The following SLC14A2 variants were observed in gnomAD, a reference collection of about 807,000 sequenced individuals.
SLC14A2 encodes the protein urea transporter 2.
SLC14A2 carries 91 observed loss-of-function variants against 104.6 expected under a neutral mutation model. The ratio of observed to expected loss-of-function variants is 0.87; its 90% CI spans 0.73 to 1.04. SLC14A2 has a LOEUF of 1.04. Ranked by LOEUF, SLC14A2 falls within the 50% of genes least tolerant of loss-of-function variation. The probability of loss-of-function intolerance (pLI) is 0.00; values close to 1 mark genes in which losing one functional copy is unlikely to be tolerated. For synonymous variants in SLC14A2, 476 were observed against 466.4 expected (o/e 1.02, Z -0.27); for missense variants, 1,189 against 1,156.0 (o/e 1.03, Z -0.41).
At chr18:45,355,474 A>C (rs1354520548) in intron 1 of SLC14A2, among the ~76,000 whole-genome samples, 1 of 145,708 alleles carries the variant, frequency 6.9e-6, no homozygotes, top group Non-Finnish European at 1.5e-5. Context: ...GCTACTCAGG[A>C]GGCTGAGGCA....
At chr18:45,473,673 T>C (rs2087296452) in intron 1 of SLC14A2, among the ~76,000 whole-genome samples, 1 of 152,204 alleles carries the variant, frequency 6.6e-6, no homozygotes, top group Admixed American at 6.5e-5. Context: ...GATTTGGCTC[T>C]TTGTTTGTCT....
Position 45,536,575 on chromosome 18 carries a change from A to G in SLC14A2, c.-35+53253A>G, listed in dbSNP as rs574820622. On this transcript the variant is annotated intron_variant, in intron 2 of 20. Coordinates refer to the SLC14A2 transcript ENST00000586448. The stretch of plus-strand genomic sequence containing the variant: ...CTCCAGAGGACACCATTCATGTCAG[A>G]TTAAGAGCCGCTCTTCTCCAGTATG... Among the ~76,000 whole-genome samples, 46 of 152,264 alleles carry G rather than the reference A, an allele frequency of 3.0e-4. 1 individual carries two copies. In the South Asian group the frequency reaches 9.3e-3, roughly 31 times the overall value.
intron 1 of SLC14A2, among the ~76,000 whole-genome samples, chr18:45,290,575 C>T (rs1022666411): frequency 6.6e-6 from 1 of 152,136 alleles, no homozygotes; most frequent in East Asian, 1.9e-4. Flanking sequence ...CAGTAGGTAC[C>T]AGCCCCATGT....
intron 2 of SLC14A2, among the ~76,000 whole-genome samples, chr18:45,608,864 C>T (rs1041329434): frequency 1.4e-4 from 22 of 152,182 alleles, no homozygotes; most frequent in African/African-American, 5.1e-4. Context: ...TGGAATAAAA[C>T]TGGAATTTGC....
intron 2 of SLC14A2, among the ~76,000 whole-genome samples, chr18:45,489,751 C>T (rs1031486781): frequency 6.6e-6 from 1 of 152,102 alleles, no homozygotes. Flanking sequence ...GGAAGTTTGA[C>T]AGAAAGGAGT....
At chr18:45,634,488 G>A (rs2045388737) in intron 5 of SLC14A2, among the ~76,000 whole-genome samples, 1 of 152,256 alleles carries the variant, frequency 6.6e-6, no homozygotes, top group African/African-American at 2.4e-5. Context: ...CAACTTTGCA[G>A]AGGGGACATT....
chr18:45,208,227 A>G (rs1157350715), upstream of SLC14A2, among the ~76,000 whole-genome samples: 1 of 152,214 alleles, frequency 6.6e-6, no homozygotes, highest in East Asian at 1.9e-4. Context: ...ATTGCAATAA[A>G]ATTGTTTAAA....
intron 3 of SLC14A2, 126 bp from the exon 4 acceptor site, chr18:45,626,832 G>A: frequency 2.8e-6 from 1 of 355,474 alleles, no homozygotes; most frequent in Non-Finnish European, 5.1e-6. Context: ...CCCGACCCCT[G>A]GCCTGGCTGA....
intron 2 of SLC14A2, among the ~76,000 whole-genome samples, chr18:45,602,801 G>T (rs1427540634): frequency 6.6e-6 from 1 of 152,194 alleles, no homozygotes; most frequent in Non-Finnish European, 1.5e-5. Context: ...ACTCCCCGCT[G>T]ATGGATTCAA....
In SLC14A2 at chr18:45,408,651, G is replaced by A. The variant is rs77221516; in HGVS notation, c.-124-74582G>A. On this transcript the variant is annotated intron_variant, in intron 1 of 20. Coordinates refer to the SLC14A2 transcript ENST00000586448. ...AATGAGGCCATTAATTAATACAGCG[G>A]GGAAGTCTGCAATTCTTATCTGTGG... is the stretch of plus-strand genomic sequence containing the variant. 5.6e-3 allele frequency among the ~76,000 whole-genome samples: 857 copies of A among 152,148 alleles called. 12 individuals carry two copies. The highest frequency in any genetic ancestry group is 0.019 in the African/African-American group (800 of 41,524).
At chr18:45,344,116 A>G (rs2085424095) in intron 1 of SLC14A2, among the ~76,000 whole-genome samples, 1 of 152,158 alleles carries the variant, frequency 6.6e-6, no homozygotes, top group Non-Finnish European at 1.5e-5. Flanking sequence ...AATCATTGTC[A>G]TTATATTATT....
chr18:45,464,402 A>T (rs960879688), intron 1 of SLC14A2, among the ~76,000 whole-genome samples: 1 of 152,224 alleles, frequency 6.6e-6, no homozygotes, highest in Non-Finnish European at 1.5e-5. Flanking sequence ...ACTGCACAGC[A>T]TCCTATAAAT....
chr18:45,392,471 T>C (rs571841652), intron 1 of SLC14A2, among the ~76,000 whole-genome samples: 89 of 152,342 alleles, frequency 5.8e-4, no homozygotes, highest in South Asian at 3.5e-3. Flanking sequence ...GCCTTCACCA[T>C]AGCTCTGTTT....
intron 2 of SLC14A2, among the ~76,000 whole-genome samples, chr18:45,582,838 C>A (rs2044514312): frequency 6.6e-6 from 1 of 152,144 alleles, no homozygotes; most frequent in Non-Finnish European, 1.5e-5. Context: ...TTACCCACCC[C>A]CCTTAGGAAC....
intron 2 of SLC14A2, among the ~76,000 whole-genome samples, chr18:45,575,157 A>G (rs1250633397): frequency 1.3e-5 from 2 of 151,974 alleles, no homozygotes; most frequent in Non-Finnish European, 2.9e-5. Context: ...AAGGCATGGT[A>G]AAAGGAAGGT....
chr18:45,298,906 T>G (rs1214714081), intron 1 of SLC14A2, among the ~76,000 whole-genome samples: 1 of 152,162 alleles, frequency 6.6e-6, no homozygotes, highest in Non-Finnish European at 1.5e-5. Flanking sequence ...CTCAAAATTT[T>G]TGTGTTTTTA....
At chr18:45,438,620 G>A (rs963289443) in intron 1 of SLC14A2, among the ~76,000 whole-genome samples, 4 of 152,208 alleles carry the variant, frequency 2.6e-5, no homozygotes, top group African/African-American at 9.6e-5. Flanking sequence ...TATCCCGCTA[G>A]AGGCTAAACA....
intron 1 of SLC14A2, among the ~76,000 whole-genome samples, chr18:45,241,787 G>A (rs918181707): frequency 4.6e-5 from 7 of 151,878 alleles, no homozygotes; most frequent in African/African-American, 1.5e-4. Context: ...GGGATTACAG[G>A]CATGTACCAC....
chr18:45,189,244 A>G, the SLC14A2 span, among the ~76,000 whole-genome samples: 1 of 152,218 alleles, frequency 6.6e-6, no homozygotes, highest in Non-Finnish European at 1.5e-5. Context: ...GTTCAAATCC[A>G]GACTCAATAA....
Sources: gnomAD v4.1 joint callset for allele counts (sites outside exome capture counted in the v4.1 genomes callset) on GRCh38, gnomAD v4.1.1 for gene constraint, MANE v1.5 for transcripts, NCBI Gene and HGNC (gene_info 2026-07-23, HGNC 2026-07-21) for gene names.